USP24: variants seen among roughly 807,000 people sequenced by gnomAD.
USP24 encodes ubiquitin specific peptidase 24.
USP24 carries 97 observed loss-of-function variants against 361.6 expected under a neutral mutation model. The observed-to-expected ratio is 0.27, with a 90% confidence interval of 0.23 to 0.32. The LOEUF (loss-of-function observed/expected upper bound fraction) is 0.32, where lower values mean the gene tolerates loss of function less well. Ranked by LOEUF, USP24 falls within the 10% of genes least tolerant of loss-of-function variation. The pLI, the probability that USP24 is intolerant of heterozygous loss-of-function variation, is 1.00. For synonymous variants in USP24, 1,098 were observed against 1,124.6 expected, an observed-to-expected ratio of 0.98 and a Z score of 0.47; for missense variants, 2,353 against 3,165.6, an observed-to-expected ratio of 0.74 and a Z score of 6.16.
chr1:55,165,790 AT>A, intron 7 of USP24, 94 bp downstream of exon 7: 1 of 1,009,312 alleles, frequency 9.9e-7, no homozygotes, highest in Non-Finnish European at 1.4e-6. Flanking sequence ...TTAATTTAAC[AT>A]TTAACTTGGC....
intron 45 of USP24, 33 bp from the exon 46 acceptor site, chr1:55,098,591 T>C: frequency 6.8e-7 from 1 of 1,480,006 alleles, no homozygotes; most frequent in Non-Finnish European, 9.4e-7. Flanking sequence ...TTTTAAGTGA[T>C]GCCTCCTGAA....
rs774884839 is a variant in USP24, at chr1:55,165,869, C to T, written c.927+16G>A. ...AATGAATTTCCACAGTGAGCATATA[C>T]AGTAGTTTAACTTACCCCAAGTTCT... On this transcript the variant is annotated intron_variant, in intron 7 of 67. Coordinates refer to ENST00000294383, the MANE Select transcript of USP24 (RefSeq NM_015306.3). The T allele has an allele frequency of 7.0e-6, 11 of 1,582,470 alleles. No homozygotes were observed. The highest frequency in any genetic ancestry group is 1.4e-5 in the African/African-American group (1 of 73,772).
rs1174145955 is a variant in USP24, at chr1:55,125,770, A to AC, written c.3636-13_3636-12insG. On this transcript the variant is annotated splice_polypyrimidine_tract_variant and intron_variant, in intron 32 of 67. Coordinates refer to ENST00000294383, the MANE Select transcript of USP24 (RefSeq NM_015306.3). ...CATTTACAACCAAACTTCAAAAAGA[A>AC]GAAAAAAAGGCAGGATATTAAAGAC... 6.4e-7 allele frequency: 1 copy of AC among 1,555,638 alleles called. No individual in the cohort carries two copies. Among genetic ancestry groups the AC allele is most frequent in the South Asian group, 1.2e-5 (1 of 82,212 alleles).
chr1:55,175,219 CTTTTTTTTTTT>C (rs3072970), intron 3 of USP24, among the ~76,000 whole-genome samples: 1 of 66,930 alleles, frequency 1.5e-5, no homozygotes, highest in African/African-American at 5.6e-5. Flanking sequence ...TACTGGGTCT[CTTTTTTTTTTT>C]TTTTTTTTTT....
At chr1:55,194,670 CCT>C (rs371229962) in intron 1 of USP24, among the ~76,000 whole-genome samples, 109 of 147,542 alleles carry the variant, frequency 7.4e-4, no homozygotes, top group Middle Eastern at 3.5e-3. Flanking sequence ...TTTCTTTGTC[CCT>C]CTCTCTCTCT....
At chr1:55,159,761 C>T in intron 8 of USP24, 76 bp from the exon 9 acceptor site, 1 of 1,328,698 alleles carries the variant, frequency 7.5e-7, no homozygotes, top group Non-Finnish European at 1.0e-6. Context: ...TCTTCATCTA[C>T]AATTCACAAA....
At chr1:55,104,827 C>G (rs537986515) in intron 41 of USP24, among the ~76,000 whole-genome samples, 7 of 152,298 alleles carry the variant, frequency 4.6e-5, no homozygotes, top group African/African-American at 1.7e-4. Context: ...CTTATCTGAA[C>G]TTCAGGGTTG....
chr1:55,214,919 C>T lies in USP24; in HGVS notation c.195G>A (p.Gly65=), dbSNP rs1369998410. ...PMDSGGGPSP[G]PGGGPRGDGG... The stretch of plus-strand genomic sequence containing the variant: ...CGTCGCCCCGCGGGCCCCCGCCGGG[C>T]CCGGGGCTGGGGCCACCGCCGCTGT... The change falls in exon 1 of 68, where the codon GGG becomes GGA. Residue 65 remains glycine (G), a synonymous_variant. Coordinates refer to ENST00000294383, the MANE Select transcript of USP24 (RefSeq NM_015306.3). 3.7e-5 allele frequency: 49 copies of T among 1,317,070 alleles called. No homozygotes were observed. Among genetic ancestry groups the T allele is most frequent in the Non-Finnish European group, 4.6e-5 (47 of 1,023,928 alleles). The allele number at this position is 1,317,070 out of a possible 1,614,324, so 81.6% of individuals were successfully genotyped here. A position where few individuals can be genotyped will look rare whatever the true frequency, so the allele number is the denominator to read the frequency against.
At chr1:55,144,920 G>A (rs1188513144) in intron 20 of USP24, among the ~76,000 whole-genome samples, 1 of 152,044 alleles carries the variant, frequency 6.6e-6, no homozygotes, top group Non-Finnish European at 1.5e-5. Context: ...GGCGACAAGA[G>A]TAAGACTCCA....
At chr1:55,171,473 T>G in intron 5 of USP24, 83 bp downstream of exon 5, 1 of 1,465,598 alleles carries the variant, frequency 6.8e-7, no homozygotes, top group Non-Finnish European at 9.2e-7. Context: ...AATCCTCCCA[T>G]GTAACTTGTC....
chr1:55,097,824 G>C, intron 47 of USP24, 107 bp from the exon 48 acceptor site: 1 of 1,506,548 alleles, frequency 6.6e-7, no homozygotes, highest in South Asian at 1.4e-5. Flanking sequence ...GTGAAAACAA[G>C]TAATGACACA....
chr1:55,161,372 GAAA>G (rs962047910), intron 8 of USP24, among the ~76,000 whole-genome samples: 1 of 127,300 alleles, frequency 7.9e-6, no homozygotes. Flanking sequence ...ACTCTGTCTG[GAAA>G]AAAAAAAAAA....
rs539961403 is a variant in USP24 at position 55,170,390 on chromosome 1, C to A, written c.825+1166G>T. 2.6e-5 allele frequency among the ~76,000 whole-genome samples: 4 copies of A among 152,196 alleles called. No homozygotes were observed. The East Asian group carries it at 7.7e-4, about 29-fold the overall frequency. On this transcript the variant is annotated intron_variant, in intron 5 of 67. Coordinates refer to ENST00000294383, the MANE Select transcript of USP24 (RefSeq NM_015306.3). Reference sequence around the variant, plus strand: ...TCTGCTGAGCGCTCACTAGAGTGAACCACCACGTTCAGTATTTCTATGTGT... The same window carrying A: ...TCTGCTGAGCGCTCACTAGAGTGAAACACCACGTTCAGTATTTCTATGTGT...
At chr1:55,090,985 G>C (rs1384322637) in intron 54 of USP24, among the ~76,000 whole-genome samples, 1 of 152,168 alleles carries the variant, frequency 6.6e-6, no homozygotes, top group Non-Finnish European at 1.5e-5. Context: ...TTGGGAGGCT[G>C]AGGTAGAAGA....
chr1:55,179,897 CTCTTCATACTGA>C (rs1199548331), intron 1 of USP24, among the ~76,000 whole-genome samples: 8 of 152,336 alleles, frequency 5.3e-5, no homozygotes, highest in Non-Finnish European at 1.0e-4. Flanking sequence ...CACACATTTA[CTCTTCATACTGA>C]TCTTCATAAA....
intron 1 of USP24, among the ~76,000 whole-genome samples, chr1:55,190,178 A>G (rs1557689774): frequency 2.0e-5 from 3 of 151,400 alleles, no homozygotes; most frequent in African/African-American, 7.2e-5. Flanking sequence ...AAAAAAAAAA[A>G]AAAAAAAGAA....
chr1:55,187,756 A>C (rs1461287103), intron 1 of USP24, among the ~76,000 whole-genome samples: 1 of 152,210 alleles, frequency 6.6e-6, no homozygotes. Context: ...GAAAACTACA[A>C]AGCATCATTG....
rs1644684674 is a variant in USP24, at chr1:55,205,601, CT to C, written c.324+9188del. 1.3e-5 allele frequency among the ~76,000 whole-genome samples: 2 copies of C among 152,092 alleles called. 1 individual carries two copies. Among genetic ancestry groups the C allele is most frequent in the African/African-American group, 4.8e-5 (2 of 41,436 alleles). On this transcript the variant is annotated intron_variant, in intron 1 of 67. Transcript: ENST00000294383. ...CAATTAGATAAAAAGCAAATTAAAT[CT>C]TTTTTATATTTCATTTTCCTCATTA...
intron 23 of USP24, among the ~76,000 whole-genome samples, chr1:55,142,074 G>A (rs1570524395): frequency 6.6e-6 from 1 of 152,118 alleles, no homozygotes; most frequent in Non-Finnish European, 1.5e-5. Context: ...GTCACAATTA[G>A]GGAAATACCG....
Sources: gnomAD v4.1 joint callset for allele counts (sites outside exome capture counted in the v4.1 genomes callset) on GRCh38, gnomAD v4.1.1 for gene constraint, MANE v1.5 for transcripts, NCBI Gene and HGNC (gene_info 2026-07-23, HGNC 2026-07-21) for gene names.